The following USH2A variants were observed in gnomAD, a reference collection of about 807,000 sequenced individuals.
The protein encoded by USH2A is usherin.
In USH2A, 443 loss-of-function variants were observed where a neutral mutation model predicts 538.9. That is an observed-to-expected ratio of 0.82 (90% CI 0.76 to 0.89). The LOEUF (loss-of-function observed/expected upper bound fraction) is 0.89. Ranked by LOEUF, USH2A falls within the 40% of genes least tolerant of loss-of-function variation. The pLI is 0.00. For missense variants in USH2A, 6,633 were observed against 6,324.8 expected (o/e 1.05, Z -1.65); for synonymous variants, 2,413 against 2,273.5 (o/e 1.06, Z -1.75).
intron 54 of USH2A, among the ~76,000 whole-genome samples, chr1:215,780,422 T>C (rs1318919599): frequency 1.3e-5 from 2 of 152,174 alleles, no homozygotes; most frequent in Non-Finnish European, 2.9e-5. Context: ...ATTTCATACA[T>C]TTTAAGCACC....
chr1:215,885,756 G>C (rs1440812617), intron 41 of USH2A, among the ~76,000 whole-genome samples: 1 of 151,992 alleles, frequency 6.6e-6, no homozygotes, highest in Non-Finnish European at 1.5e-5. Flanking sequence ...TGTCTCTCTT[G>C]ATTTCCCTAT....
chr1:215,798,446 G>A (rs1662204345), intron 50 of USH2A, among the ~76,000 whole-genome samples: 1 of 152,056 alleles, frequency 6.6e-6, no homozygotes, highest in South Asian at 2.1e-4. Context: ...TAAGATTATT[G>A]TGAAGATTAT....
intron 61 of USH2A, among the ~76,000 whole-genome samples, chr1:215,697,494 C>G (rs79179740): frequency 6.6e-6 from 1 of 150,602 alleles, no homozygotes; most frequent in African/African-American, 2.4e-5. Flanking sequence ...TTTCTGTAAT[C>G]CTACTTCTGC....
chr1:215,832,268 G>T (rs1170530286), intron 47 of USH2A, among the ~76,000 whole-genome samples: 2 of 151,834 alleles, frequency 1.3e-5, no homozygotes, highest in Non-Finnish European at 2.9e-5. Context: ...AGAAGGAAAT[G>T]CTTCCCAAGT....
chr1:215,992,386 G>A (rs1040696130), intron 35 of USH2A, among the ~76,000 whole-genome samples: 2 of 152,116 alleles, frequency 1.3e-5, no homozygotes, highest in East Asian at 1.9e-4. Flanking sequence ...TCTTCATAAT[G>A]AGATTTTATT....
intron 37 of USH2A, among the ~76,000 whole-genome samples, chr1:215,954,816 G>A (rs989930956): frequency 1.3e-5 from 2 of 151,616 alleles, no homozygotes; most frequent in African/African-American, 2.4e-5. Context: ...GCTGCATGAA[G>A]TAGCTCCTGT....
chr1:215,952,362 G>C (rs1040495809), intron 37 of USH2A, among the ~76,000 whole-genome samples: 1 of 152,186 alleles, frequency 6.6e-6, no homozygotes, highest in Non-Finnish European at 1.5e-5. Flanking sequence ...TTTAACTGGA[G>C]CATTTAGCCC....
intron 2 of USH2A, among the ~76,000 whole-genome samples, chr1:216,420,076 T>C (rs2039649789): frequency 6.6e-6 from 1 of 152,128 alleles, no homozygotes; most frequent in African/African-American, 2.4e-5. Flanking sequence ...CAAATTATAT[T>C]TTTAACCCTT....
intron 67 of USH2A, 72 bp from the exon 68 acceptor site, chr1:215,640,806 A>T (rs1656655627): frequency 6.6e-7 from 1 of 1,514,568 alleles, no homozygotes. Context: ...ACTTTAAAAA[A>T]AAAAAATATG....
At chr1:215,648,918 A>C in intron 65 of USH2A, 152 bp from the exon 66 acceptor site, 1 of 787,924 alleles carries the variant, frequency 1.3e-6, no homozygotes, top group Non-Finnish European at 2.2e-6. Context: ...TTATCCTCAA[A>C]AAATTACCAA....
chr1:216,114,629 T>C (rs1443005982), intron 21 of USH2A, among the ~76,000 whole-genome samples: 5 of 152,108 alleles, frequency 3.3e-5, no homozygotes, highest in African/African-American at 1.2e-4. Flanking sequence ...TTAGGAAACT[T>C]TAGGCTAAAA....
At chr1:216,193,740 C>A (rs1341909988) in intron 19 of USH2A, among the ~76,000 whole-genome samples, 1 of 152,028 alleles carries the variant, frequency 6.6e-6, no homozygotes, top group Non-Finnish European at 1.5e-5. Flanking sequence ...CCAAGGAACA[C>A]CAGGAGCCAC....
intron 50 of USH2A, among the ~76,000 whole-genome samples, 168 bp downstream of exon 50, chr1:215,798,739 A>G (rs376347335): frequency 2.6e-5 from 4 of 152,196 alleles, no homozygotes; most frequent in African/African-American, 9.6e-5. Flanking sequence ...ACATGTAAAA[A>G]TTGGGAGATT....
chr1:216,404,742 T>C (rs1403011667), intron 3 of USH2A, among the ~76,000 whole-genome samples: 2 of 150,020 alleles, frequency 1.3e-5, no homozygotes, highest in Non-Finnish European at 3.0e-5. Context: ...CTTCCTCAGC[T>C]CCTGAGCAGT....
At chr1:215,998,214 G>A (rs1320792679) in intron 34 of USH2A, among the ~76,000 whole-genome samples, 2 of 151,974 alleles carry the variant, frequency 1.3e-5, no homozygotes, top group African/African-American at 4.8e-5. Flanking sequence ...TTTCAGACGT[G>A]CTATTAAACT....
At chr1:216,135,659 T>C (rs544230520) in intron 21 of USH2A, among the ~76,000 whole-genome samples, 1 of 152,254 alleles carries the variant, frequency 6.6e-6, no homozygotes, top group East Asian at 1.9e-4. Flanking sequence ...TGAACGACTC[T>C]TTTCCGCTGG....
In USH2A at chr1:215,642,539, C is replaced by T. The variant is rs374330217; in HGVS notation, c.14792-1805G>A. ...GAATTTTGTGAGTCATTGTTAAATC[C>T]GGCCACTACTAAAAATTAAATTATA... On this transcript the variant is annotated intron_variant, in intron 67 of 71. Transcript: ENST00000307340. 9.9e-5 allele frequency among the ~76,000 whole-genome samples: 15 copies of T among 151,886 alleles called. 1 individual carries two copies. The highest frequency in any genetic ancestry group is 2.4e-4 in the African/African-American group (10 of 41,332).
chr1:216,387,296 A>G (rs1181779176), intron 3 of USH2A, among the ~76,000 whole-genome samples: 2 of 152,202 alleles, frequency 1.3e-5, no homozygotes, highest in East Asian at 1.9e-4. Context: ...AAAGTGATGG[A>G]CCTCAAGGAC....
At chr1:216,342,343 G>A (rs546395336) in intron 4 of USH2A, among the ~76,000 whole-genome samples, 8 of 151,936 alleles carry the variant, frequency 5.3e-5, no homozygotes, top group Admixed American at 1.3e-4. Flanking sequence ...GAAACAACAC[G>A]CTAGTGAGAC....
Sources: gnomAD v4.1 joint callset for allele counts (sites outside exome capture counted in the v4.1 genomes callset) on GRCh38, gnomAD v4.1.1 for gene constraint, MANE v1.5 for transcripts, NCBI Gene and HGNC (gene_info 2026-07-23, HGNC 2026-07-21) for gene names.